GLT8D2: variants seen among roughly 807,000 people sequenced by gnomAD.
GLT8D2 encodes glycosyltransferase 8 domain-containing protein 2.
A neutral mutation model predicts 44.5 loss-of-function variants in GLT8D2; 45 were observed. That is an observed-to-expected ratio of 1.01 (90% CI 0.80 to 1.30). The LOEUF is 1.30. Ranked by LOEUF, GLT8D2 falls within the 50% of genes most tolerant of loss-of-function variation. GLT8D2 has a pLI of 0.00. For synonymous variants in GLT8D2, 156 were observed against 157.2 expected (o/e 0.99, Z 0.06); for missense variants, 400 against 430.4 (o/e 0.93, Z 0.62).
At chr12:104,007,523 C>A (rs1869992594) in intron 4 of GLT8D2, among the ~76,000 whole-genome samples, 1 of 151,982 alleles carries the variant, frequency 6.6e-6, no homozygotes, top group African/African-American at 2.4e-5. Flanking sequence ...TTTGTTTTCA[C>A]AATATATTTA....
intron 2 of GLT8D2, among the ~76,000 whole-genome samples, chr12:104,020,657 G>C (rs1387730101): frequency 6.6e-6 from 1 of 152,198 alleles, no homozygotes; most frequent in Non-Finnish European, 1.5e-5. Context: ...AACAAGGGTA[G>C]GGAGTGCATC....
intron 1 of GLT8D2, among the ~76,000 whole-genome samples, chr12:104,058,341 T>A (rs1882355756): frequency 6.6e-6 from 1 of 152,346 alleles, no homozygotes; most frequent in Non-Finnish European, 1.5e-5. Flanking sequence ...AGTCTGATTC[T>A]CTTACCATCT....
At chr12:104,007,381 C>T (rs1236822249) in intron 4 of GLT8D2, among the ~76,000 whole-genome samples, 2 of 151,508 alleles carry the variant, frequency 1.3e-5, no homozygotes. Flanking sequence ...ATTCAATAAG[C>T]ATTTCTTGAA....
chr12:104,000,546 C>T (rs764246901), intron 5 of GLT8D2, among the ~76,000 whole-genome samples: 11 of 152,058 alleles, frequency 7.2e-5, no homozygotes, highest in Non-Finnish European at 1.3e-4. Context: ...AAAAAAAAAA[C>T]TTTAAAGTAT....
At chr12:104,004,189 C>T (rs1460493624) in intron 4 of GLT8D2, among the ~76,000 whole-genome samples, 1 of 152,100 alleles carries the variant, frequency 6.6e-6, no homozygotes, top group Non-Finnish European at 1.5e-5. Flanking sequence ...GCCCTTCATG[C>T]TAAAAATTCT....
chr12:103,998,550 C>T (rs1181885373), intron 6 of GLT8D2, among the ~76,000 whole-genome samples: 2 of 152,116 alleles, frequency 1.3e-5, no homozygotes, highest in African/African-American at 4.8e-5. Context: ...GCCGGGGCTA[C>T]AGGTGCCTGC....
chr12:104,024,550 A>G (rs1408699175), intron 1 of GLT8D2, among the ~76,000 whole-genome samples: 1 of 152,208 alleles, frequency 6.6e-6, no homozygotes, highest in African/African-American at 2.4e-5. Context: ...TGTTCTTGTC[A>G]GCACTTGGTA....
chr12:104,031,046 C>G, intron 1 of GLT8D2: 2 of 1,030,882 alleles, frequency 1.9e-6, no homozygotes, highest in East Asian at 5.3e-5. Flanking sequence ...CCTCAATGAG[C>G]GGCACTATGG....
intron 4 of GLT8D2, among the ~76,000 whole-genome samples, chr12:104,010,612 C>T (rs1875709381): frequency 6.6e-6 from 1 of 152,148 alleles, no homozygotes; most frequent in Non-Finnish European, 1.5e-5. Context: ...TCCTCTGCAG[C>T]TGTCCCAGTG....
intron 1 of GLT8D2, among the ~76,000 whole-genome samples, chr12:104,056,731 G>A (rs1455002144): frequency 6.6e-6 from 1 of 152,194 alleles, no homozygotes; most frequent in Non-Finnish European, 1.5e-5. Context: ...ATAAATACAA[G>A]CTTTGCTGCC....
chr12:104,026,501 C>T (rs1308344028), intron 1 of GLT8D2, among the ~76,000 whole-genome samples: 1 of 152,132 alleles, frequency 6.6e-6, no homozygotes, highest in Non-Finnish European at 1.5e-5. Context: ...GACTTTGTTT[C>T]CCGGTTTTCC....
intron 10 of GLT8D2, among the ~76,000 whole-genome samples, chr12:103,990,828 C>CG (rs1872663351): frequency 6.6e-6 from 1 of 152,208 alleles, no homozygotes; most frequent in African/African-American, 2.4e-5. Context: ...AAAGTCTCTA[C>CG]TAAGTAGGAC....
rs139835064 is a variant in GLT8D2 at position 104,042,984 on chromosome 12, C to T, written c.-164+6911G>A. ...GAACATCTTCTGGCTAACAAGGTCC[C>T]GGCATGCAAAGAACTGCACCACAGG... On this transcript the variant is annotated intron_variant, in intron 1 of 10. Transcript: ENST00000360814. 2.0e-4 allele frequency among the ~76,000 whole-genome samples: 31 copies of T among 152,252 alleles called. No individual in the cohort carries two copies. In the East Asian group the frequency reaches 5.2e-3, roughly 26 times the overall value.
rs529355328 is a variant in GLT8D2 at position 104,030,710 on chromosome 12, A to G, written c.-163-9219T>C. Reference sequence around the variant, plus strand: ...CAATAGCAAAAAAACAAATAACTTGATTTAAAAATAGGCAAAGGACTCCGG... The same window carrying G: ...CAATAGCAAAAAAACAAATAACTTGGTTTAAAAATAGGCAAAGGACTCCGG... On this transcript the variant is annotated intron_variant, in intron 1 of 10. Transcript: ENST00000360814. 1.3e-3 allele frequency: 2,017 copies of G among 1,608,134 alleles called. 2 individuals carry two copies. The highest frequency in any genetic ancestry group is 1.6e-3 in the Non-Finnish European group (1,873 of 1,177,732).
At chr12:104,015,499 G>A (rs868458778) in intron 3 of GLT8D2, among the ~76,000 whole-genome samples, 2 of 151,892 alleles carry the variant, frequency 1.3e-5, no homozygotes, top group Admixed American at 1.3e-4. Flanking sequence ...GAGATAGGAG[G>A]ATGGCTTGAG....
intron 1 of GLT8D2, among the ~76,000 whole-genome samples, chr12:104,063,698 C>CT (rs1160489892): frequency 6.6e-6 from 1 of 151,876 alleles, no homozygotes; most frequent in Non-Finnish European, 1.5e-5. Flanking sequence ...TGGCCCCAGT[C>CT]TTTTTTTTCA....
chr12:104,028,567 A>G (rs568844366), intron 1 of GLT8D2, among the ~76,000 whole-genome samples: 1 of 152,330 alleles, frequency 6.6e-6, no homozygotes, highest in South Asian at 2.1e-4. Context: ...TGCACAATGT[A>G]TAAGAACCAT....
At position 104,030,970 on chromosome 12, in the gene GLT8D2, C is replaced by A. The variant is rs923654999; in HGVS notation, c.-163-9479G>T. On this transcript the variant is annotated intron_variant, in intron 1 of 10. Transcript: ENST00000360814. ...TCACCTCAGTGCAGAAGAGAGCGATCCGGACCCTCTGGACAGTGCTAGATG... is the reference window on the plus strand; with the variant it reads ...TCACCTCAGTGCAGAAGAGAGCGATACGGACCCTCTGGACAGTGCTAGATG... 4 of 1,391,608 alleles carry A rather than the reference C, an allele frequency of 2.9e-6. No homozygotes were observed. The African/African-American group carries it at 4.4e-5, about 15-fold the overall frequency. 86.2% of individuals were successfully genotyped at this position (1,391,608 alleles called of 1,614,324 possible). A position where few individuals can be genotyped will look rare whatever the true frequency, so the allele number is the denominator to read the frequency against.
intron 1 of GLT8D2, among the ~76,000 whole-genome samples, chr12:104,026,383 C>T (rs899129107): frequency 2.0e-5 from 3 of 151,988 alleles, no homozygotes; most frequent in African/African-American, 7.2e-5. Context: ...CAAACATTTC[C>T]CCAAATTCTA....
Sources: gnomAD v4.1 joint callset for allele counts (sites outside exome capture counted in the v4.1 genomes callset) on GRCh38, gnomAD v4.1.1 for gene constraint, MANE v1.5 for transcripts, NCBI Gene and HGNC (gene_info 2026-07-23, HGNC 2026-07-21) for gene names.